SLC10A7: variants seen among roughly 807,000 people sequenced by gnomAD.
SLC10A7 encodes solute carrier family 10 member 7.
SLC10A7 carries 29 observed loss-of-function variants against 43.2 expected under a neutral mutation model. The ratio of observed to expected loss-of-function variants is 0.67; its 90% CI spans 0.50 to 0.92. The LOEUF (loss-of-function observed/expected upper bound fraction) is 0.92. Among genes scored for constraint, SLC10A7 ranks in the 40% least tolerant of loss-of-function variants. The pLI, the probability that SLC10A7 is intolerant of heterozygous loss-of-function variation, is 0.00. For synonymous variants in SLC10A7, 152 were observed against 144.8 expected, an observed-to-expected ratio of 1.05 and a Z score of -0.35; for missense variants, 295 against 403.2, an observed-to-expected ratio of 0.73 and a Z score of 2.30.
At chr4:146,488,654 A>G (rs1735121877) in intron 4 of SLC10A7, among the ~76,000 whole-genome samples, 2 of 152,208 alleles carry the variant, frequency 1.3e-5, no homozygotes, top group African/African-American at 4.8e-5. Flanking sequence ...CCTTCTAAGC[A>G]TTCGAAGTCT....
intron 1 of SLC10A7, among the ~76,000 whole-genome samples, chr4:146,519,093 ATATATATATATAT>A (rs1560991511): frequency 1.8e-4 from 21 of 114,018 alleles, no homozygotes; most frequent in East Asian, 4.8e-4. Context: ...ATATATATAT[ATATATATATATAT>A]ATATATAATA....
intron 5 of SLC10A7, among the ~76,000 whole-genome samples, chr4:146,396,550 T>C (rs1348572097): frequency 2.0e-5 from 3 of 152,122 alleles, no homozygotes; most frequent in African/African-American, 4.8e-5. Flanking sequence ...GAATTACAGT[T>C]GTGTGGAACA....
chr4:146,476,888 T>C (rs895010157), intron 4 of SLC10A7, among the ~76,000 whole-genome samples: 1 of 151,726 alleles, frequency 6.6e-6, no homozygotes, highest in African/African-American at 2.4e-5. Context: ...GAAACACAGG[T>C]GTAAAGAGTG....
intron 9 of SLC10A7, among the ~76,000 whole-genome samples, chr4:146,291,922 A>C (rs946765063): frequency 6.6e-6 from 1 of 152,232 alleles, no homozygotes; most frequent in African/African-American, 2.4e-5. Flanking sequence ...TCTCTAACCA[A>C]AAGTTCAAGT....
In SLC10A7 at chr4:146,350,271, A is replaced by G. The variant is rs562970218; in HGVS notation, c.436-24275T>C. Among the ~76,000 whole-genome samples the G allele has an allele frequency of 7.2e-4, 110 of 151,858 alleles. No homozygotes were observed. In the East Asian group the frequency reaches 0.015, roughly 20 times the overall value. ...TTTCTGAGTCAAAGAAAGGGGTGAC[A>G]GACGCACCTGGAAAATCGGGTCACT... On this transcript the variant is annotated intron_variant, in intron 5 of 11. Coordinates refer to ENST00000335472, the MANE Select transcript of SLC10A7 (RefSeq NM_001029998.6).
At chr4:146,269,685 T>G (rs1728778682) in intron 10 of SLC10A7, among the ~76,000 whole-genome samples, 1 of 152,178 alleles carries the variant, frequency 6.6e-6, no homozygotes, top group Non-Finnish European at 1.5e-5. Context: ...TTAGATGTAT[T>G]TTTATATAAA....
intron 8 of SLC10A7, among the ~76,000 whole-genome samples, chr4:146,293,207 A>C (rs926489325): frequency 4.6e-5 from 7 of 152,230 alleles, no homozygotes; most frequent in African/African-American, 1.7e-4. Flanking sequence ...ATTGAGGGAA[A>C]ACCTAAGGCC....
intron 5 of SLC10A7, among the ~76,000 whole-genome samples, chr4:146,372,322 C>T (rs1736848360): frequency 6.6e-6 from 1 of 151,914 alleles, no homozygotes; most frequent in South Asian, 2.1e-4. Flanking sequence ...GACATGGTGG[C>T]ATACACCTTT....
intron 5 of SLC10A7, among the ~76,000 whole-genome samples, chr4:146,351,942 TAAAGACC>T (rs1287460498): frequency 7.9e-6 from 1 of 127,200 alleles, no homozygotes; most frequent in Non-Finnish European, 1.6e-5. Context: ...TGCCAAAATG[TAAAGACC>T]ATCGAGACTA....
chr4:146,278,546 TC>T (rs1336337000), intron 10 of SLC10A7, among the ~76,000 whole-genome samples: 1 of 152,164 alleles, frequency 6.6e-6, no homozygotes, highest in Non-Finnish European at 1.5e-5. Flanking sequence ...GTTTGGAGGG[TC>T]TGAAGGTATT....
At chr4:146,323,749 T>C (rs1732904020) in intron 6 of SLC10A7, among the ~76,000 whole-genome samples, 1 of 152,142 alleles carries the variant, frequency 6.6e-6, no homozygotes, top group African/African-American at 2.4e-5. Context: ...AGCATTCCCT[T>C]TGAAAACTGG....
rs192596425 is a variant in SLC10A7, at chr4:146,382,775, T to C, written c.436-56779A>G. On this transcript the variant is annotated intron_variant, in intron 5 of 11. Transcript: ENST00000335472. ...TAAAATCACACCATTTTAAATTTCT[T>C]ATAAAATTGTCACCTTGTGTCCTTT... Among the ~76,000 whole-genome samples, 28 of 152,282 alleles carry C rather than the reference T, an allele frequency of 1.8e-4. No homozygotes were observed. The East Asian group carries it at 5.2e-3, about 28-fold the overall frequency.
chr4:146,434,305 C>T (rs2149876007), intron 5 of SLC10A7, among the ~76,000 whole-genome samples: 1 of 119,552 alleles, frequency 8.4e-6, no homozygotes, highest in South Asian at 2.8e-4. Flanking sequence ...AAAATTACAG[C>T]AGCTTTTTGA....
chr4:146,495,766 AACACAC>A (rs57202992), intron 4 of SLC10A7, among the ~76,000 whole-genome samples: 1,803 of 139,620 alleles, frequency 0.013, 20 homozygotes, highest in African/African-American at 0.031. Flanking sequence ...GATGAAAGTA[AACACAC>A]ACACACACAC....
At chr4:146,506,164 G>A (rs1164433362) in intron 3 of SLC10A7, among the ~76,000 whole-genome samples, 1 of 151,908 alleles carries the variant, frequency 6.6e-6, no homozygotes, top group African/African-American at 2.4e-5. Flanking sequence ...GTTTTAAAAA[G>A]ACAAAAATTT....
intron 5 of SLC10A7, among the ~76,000 whole-genome samples, chr4:146,379,266 C>A (rs1579037926): frequency 6.6e-6 from 1 of 152,194 alleles, no homozygotes; most frequent in Admixed American, 6.5e-5. Context: ...TTGTTCTCAG[C>A]AATTATCCTT....
rs1020326674 is a variant in SLC10A7 at position 146,313,180 on chromosome 4, C to A, written c.472-7171G>T. On this transcript the variant is annotated intron_variant, in intron 6 of 11. Coordinates refer to ENST00000335472, the MANE Select transcript of SLC10A7 (RefSeq NM_001029998.6). ...TTGACCCTACCCGCTTAAGGAGCAC[C>A]CCCAGTAGCTGGTGCTGAAGAAGGA... Among the ~76,000 whole-genome samples, 4 of 152,148 alleles carry A rather than the reference C, an allele frequency of 2.6e-5. No homozygotes were observed. The South Asian group carries it at 8.3e-4, about 32-fold the overall frequency.
intron 6 of SLC10A7, among the ~76,000 whole-genome samples, chr4:146,309,098 CA>C (rs1276382391): frequency 6.6e-6 from 1 of 152,096 alleles, no homozygotes; most frequent in Non-Finnish European, 1.5e-5. Context: ...TTGTTTTCCC[CA>C]CTTATAACTG....
intron 5 of SLC10A7, among the ~76,000 whole-genome samples, chr4:146,366,818 C>T (rs2149772028): frequency 6.6e-6 from 1 of 152,194 alleles, no homozygotes; most frequent in East Asian, 1.9e-4. Context: ...TACTTTAAGT[C>T]ACTGCAGCTC....
Sources: gnomAD v4.1 joint callset for allele counts (sites outside exome capture counted in the v4.1 genomes callset) on GRCh38, gnomAD v4.1.1 for gene constraint, MANE v1.5 for transcripts, NCBI Gene and HGNC (gene_info 2026-07-23, HGNC 2026-07-21) for gene names.